NRP2: variants seen among roughly 807,000 people sequenced by gnomAD.
NRP2 encodes neuropilin-2.
NRP2 carries 52 observed loss-of-function variants against 110.4 expected under a neutral mutation model. That is an observed-to-expected ratio of 0.47 (90% confidence interval 0.38 to 0.59). The LOEUF is 0.59. NRP2 is among the 20% of genes least tolerant of loss of function. NRP2 has a pLI of 0.00. For synonymous variants in NRP2, 508 were observed against 468.9 expected (o/e 1.08, Z -1.08); for missense variants, 1,049 against 1,203.0 (o/e 0.87, Z 1.89).
intron 2 of NRP2, chr2:205,700,944 C>T (rs144862125): frequency 2.8e-5 from 9 of 321,764 alleles, no homozygotes; most frequent in Non-Finnish European, 3.1e-5. Context: ...GGCGAGACTA[C>T]GGGCCGTCTG....
At position 205,795,051 on chromosome 2, in the gene NRP2, AG is replaced by A; in HGVS notation, c.2776del (p.Ala926HisfsTer10). ...VKMNHQKCCSEA is the reference protein window; with the variant it reads ...VKMNHQKCCSXA ...ATGAACCACCAAAAGTGCTGCTCCG[AG>A]GCATGACGGATTGCACCTGAATCCT... is the stretch of plus-strand genomic sequence containing the variant. On this transcript the variant is annotated frameshift_variant, in exon 17 of 17. Coordinates refer to ENST00000357785, the MANE Select transcript of NRP2 (RefSeq NM_003872.3). LOFTEE classifies it high-confidence loss of function. 6.2e-7 allele frequency: 1 copy of A among 1,614,004 alleles called. No individual in the cohort carries two copies. Among genetic ancestry groups the A allele is most frequent in the Non-Finnish European group, 8.5e-7 (1 of 1,179,948 alleles).
At chr2:205,736,329 A>G (rs2057342577) in intron 7 of NRP2, among the ~76,000 whole-genome samples, 1 of 152,202 alleles carries the variant, frequency 6.6e-6, no homozygotes, top group South Asian at 2.1e-4. Flanking sequence ...GTGACAGAGC[A>G]AAACCCCATC....
intron 14 of NRP2, 85 bp from the exon 15 acceptor site, chr2:205,766,698 T>C (rs2057924487): frequency 8.1e-7 from 1 of 1,236,532 alleles, no homozygotes; most frequent in Admixed American, 1.7e-5. Flanking sequence ...ATGTTTATCA[T>C]CATATTCATC....
At chr2:205,772,160 A>G (rs1461884264) in intron 15 of NRP2, among the ~76,000 whole-genome samples, 1 of 152,242 alleles carries the variant, frequency 6.6e-6, no homozygotes, top group Non-Finnish European at 1.5e-5. Context: ...TCAAGTACTC[A>G]GGTCTCCCTT....
At position 205,725,982 on chromosome 2, in the gene NRP2, C is replaced by G; in HGVS notation, c.890C>G (p.Ser297Cys). 1 of 1,614,192 alleles carries G rather than the reference C, an allele frequency of 6.2e-7. No individual in the cohort carries two copies. The highest frequency in any genetic ancestry group is 1.3e-5 in the African/African-American group (1 of 75,062). The change falls in exon 6 of 17, where the codon TCT (serine) becomes TGT (cysteine). Residue 297 changes from serine to cysteine, a missense_variant. Physicochemically the swap from Ser to Cys is moderately radical, Grantham distance 112. Transcript: ENST00000357785. The surrounding 1 kb of genome is among the most constrained non-coding windows in gnomAD (Gnocchi z 4.1). ...GCTAATGAACAGATCAGTGCCTCATCTACCTACTCTGATGGGAGGTGGACC... is the reference window on the plus strand; with the variant it reads ...GCTAATGAACAGATCAGTGCCTCATGTACCTACTCTGATGGGAGGTGGACC... ...RIANEQISAS[S>C]TYSDGRWTPQ...
At chr2:205,690,055 C>T (rs931705773) in intron 1 of NRP2, among the ~76,000 whole-genome samples, 6 of 152,186 alleles carry the variant, frequency 3.9e-5, no homozygotes, top group African/African-American at 1.4e-4. Context: ...TGCACGTGGC[C>T]GTGGTACCCT....
chr2:205,756,432 T>G (rs985555524), intron 12 of NRP2: 1 of 152,170 alleles, frequency 6.6e-6, no homozygotes, highest in African/African-American at 2.4e-5. Flanking sequence ...CAAAAACTCA[T>G]AGGGCGGGCA....
intron 15 of NRP2, among the ~76,000 whole-genome samples, chr2:205,770,008 G>C (rs1315467255): frequency 6.6e-6 from 1 of 152,148 alleles, no homozygotes; most frequent in African/African-American, 2.4e-5. Context: ...GCTCACCTTG[G>C]AGGCAAGAGT....
At chr2:205,776,310 C>T (rs1057184419) in intron 15 of NRP2, 2 of 1,613,150 alleles carry the variant, frequency 1.2e-6, no homozygotes, top group African/African-American at 2.7e-5. Flanking sequence ...CCATCCCAGC[C>T]TACTGGTATT....
intron 2 of NRP2, among the ~76,000 whole-genome samples, chr2:205,711,706 G>A (rs1393965826): frequency 6.6e-6 from 1 of 152,124 alleles, no homozygotes; most frequent in Non-Finnish European, 1.5e-5. Context: ...CAAAAGAAGG[G>A]GCAGAGTATT....
At chr2:205,714,170 C>T (rs2056850042) in intron 2 of NRP2, among the ~76,000 whole-genome samples, 1 of 152,116 alleles carries the variant, frequency 6.6e-6, no homozygotes, top group Non-Finnish European at 1.5e-5. Context: ...CATTTAAGTC[C>T]CACATCAACC....
intron 15 of NRP2, chr2:205,778,431 G>C (rs2058132325): frequency 6.6e-6 from 1 of 152,308 alleles, no homozygotes; most frequent in African/African-American, 2.4e-5. Context: ...TGAAAGGCTA[G>C]AGCATGTGCT....
chr2:205,683,483 TAA>T, intron 1 of NRP2, 120 bp downstream of exon 1: 1 of 745,910 alleles, frequency 1.3e-6, no homozygotes, highest in South Asian at 1.5e-5. Context: ...CTCAATAATT[TAA>T]AGAGAGATCC....
At chr2:205,683,926 A>T (rs1575527051) in intron 1 of NRP2, among the ~76,000 whole-genome samples, 1 of 152,158 alleles carries the variant, frequency 6.6e-6, no homozygotes, top group Non-Finnish European at 1.5e-5. Flanking sequence ...CTTGTGGCTG[A>T]GATAGGGGCT....
At chr2:205,705,678 C>T (rs1359854826) in intron 2 of NRP2, among the ~76,000 whole-genome samples, 1 of 152,134 alleles carries the variant, frequency 6.6e-6, no homozygotes, top group Non-Finnish European at 1.5e-5. Flanking sequence ...ACAGCTGGTA[C>T]TGGTACTACT....
rs143488140 is a variant in NRP2, at chr2:205,707,728, G to T, written c.252-8465G>T. On this transcript the variant is annotated intron_variant, in intron 2 of 16. Transcript: ENST00000357785. ...ACACTTCCGTTCCCAGCAGGCTCCCGTTTTTTGGACAGACGGGGAAGTTAT... is the reference window on the plus strand; with the variant it reads ...ACACTTCCGTTCCCAGCAGGCTCCCTTTTTTTGGACAGACGGGGAAGTTAT... Among the ~76,000 whole-genome samples, 668 of 152,244 alleles carry T rather than the reference G, an allele frequency of 4.4e-3. 9 individuals carry two copies. Among genetic ancestry groups the T allele is most frequent in the Non-Finnish European group, 3.3e-3 (224 of 68,022 alleles).
intron 9 of NRP2, 31 bp from the exon 10 acceptor site, chr2:205,745,715 C>T: frequency 3.7e-6 from 6 of 1,613,642 alleles, no homozygotes; most frequent in Non-Finnish European, 5.1e-6. Flanking sequence ...GGTCCCACAC[C>T]AGAAGGGCTG....
intron 15 of NRP2, among the ~76,000 whole-genome samples, chr2:205,781,779 G>T (rs1018846886): frequency 5.3e-5 from 8 of 152,296 alleles, no homozygotes; most frequent in Admixed American, 5.2e-4. Context: ...AAAGGGAGGG[G>T]GCGAGGGGAA....
At chr2:205,754,868 C>G (rs1441769388) in intron 12 of NRP2, among the ~76,000 whole-genome samples, 1 of 152,042 alleles carries the variant, frequency 6.6e-6, no homozygotes, top group African/African-American at 2.4e-5. Flanking sequence ...AAGGATATAG[C>G]CGGGGTCCTC....
Sources: allele counts gnomAD v4.1 joint callset (sites outside exome capture counted in the v4.1 genomes callset), GRCh38; gene constraint gnomAD v4.1.1; non-coding constraint Gnocchi (gnomAD v3.1); transcripts MANE v1.5; gene names NCBI Gene and HGNC (gene_info 2026-07-23, HGNC 2026-07-21).